SOX6: variants seen among roughly 807,000 people sequenced by gnomAD.
The protein encoded by SOX6 is transcription factor SOX-6.
A neutral mutation model predicts 97.8 loss-of-function variants in SOX6; 11 were observed. The observed-to-expected ratio is 0.11, with a 90% CI of 0.07 to 0.19. SOX6 has a LOEUF of 0.19. SOX6 is among the 10% of genes least tolerant of loss of function. The pLI, the probability that SOX6 is intolerant of heterozygous loss-of-function variation, is 1.00. For missense variants in SOX6, 810 were observed against 1,039.5 expected (o/e 0.78, Z 3.04); for synonymous variants, 360 against 371.4 (o/e 0.97, Z 0.35).
chr11:16,170,685 A>G (rs1307500599), intron 6 of SOX6, among the ~76,000 whole-genome samples: 1 of 152,026 alleles, frequency 6.6e-6, no homozygotes, highest in Non-Finnish European at 1.5e-5. Context: ...ACAGGGGCAC[A>G]TGTTCTGTCA....
intron 4 of SOX6, among the ~76,000 whole-genome samples, chr11:16,200,911 G>C (rs1465100704): frequency 6.6e-6 from 1 of 152,000 alleles, no homozygotes; most frequent in Non-Finnish European, 1.5e-5. Context: ...TTTGAGACCA[G>C]CCTGGCCAAC....
intron 4 of SOX6, among the ~76,000 whole-genome samples, chr11:16,501,263 A>G (rs1239517963): frequency 6.6e-6 from 1 of 152,234 alleles, no homozygotes; most frequent in Admixed American, 6.5e-5. Context: ...CCATATGTAG[A>G]AAGCTTAAAC....
chr11:16,136,166 G>A (rs530657255), intron 6 of SOX6, among the ~76,000 whole-genome samples: 8 of 151,404 alleles, frequency 5.3e-5, no homozygotes, highest in South Asian at 2.1e-4. Flanking sequence ...CTACAGTTGC[G>A]CACCAACACG....
At chr11:16,516,427 A>G (rs1465101180) in intron 4 of SOX6, among the ~76,000 whole-genome samples, 5 of 152,180 alleles carry the variant, frequency 3.3e-5, no homozygotes, top group Non-Finnish European at 7.3e-5. Context: ...GAAGTTGCTT[A>G]TGAGCTTAAG....
At chr11:16,457,804 T>G (rs984184977) in intron 1 of SOX6, among the ~76,000 whole-genome samples, 1 of 152,036 alleles carries the variant, frequency 6.6e-6, no homozygotes, top group African/African-American at 2.4e-5. Context: ...GCAGTTTGTT[T>G]AAAAGCCCTT....
chr11:16,163,525 G>C (rs911643703), intron 6 of SOX6, among the ~76,000 whole-genome samples: 4 of 152,122 alleles, frequency 2.6e-5, no homozygotes, highest in African/African-American at 7.2e-5. Flanking sequence ...TCTAAACCAG[G>C]CTTTCTCAGC....
chr11:16,359,376 A>G (rs1242788742), upstream of SOX6, among the ~76,000 whole-genome samples: 1 of 152,142 alleles, frequency 6.6e-6, no homozygotes, highest in Non-Finnish European at 1.5e-5. Context: ...AAGGATTTCA[A>G]ATGCAATTCA....
intron 2 of SOX6, among the ~76,000 whole-genome samples, chr11:16,327,099 G>C (rs537795695): frequency 3.4e-4 from 51 of 152,232 alleles, no homozygotes; most frequent in African/African-American, 1.0e-3. Flanking sequence ...TTCTAACTTA[G>C]CCTGGGAAAT....
chr11:16,475,363 T>C (rs908819947), intron 1 of SOX6, among the ~76,000 whole-genome samples: 2 of 152,190 alleles, frequency 1.3e-5, no homozygotes, highest in Non-Finnish European at 2.9e-5. Context: ...CACAAAGTTG[T>C]CATTCGTAGC....
At chr11:16,082,574 C>A (rs1296707605) in intron 9 of SOX6, among the ~76,000 whole-genome samples, 1 of 152,122 alleles carries the variant, frequency 6.6e-6, no homozygotes, top group Admixed American at 6.5e-5. Context: ...TTGCTTCAGT[C>A]TTAAACAGTT....
intron 4 of SOX6, among the ~76,000 whole-genome samples, chr11:16,523,551 C>A (rs1190190830): frequency 2.6e-5 from 4 of 151,444 alleles, no homozygotes; most frequent in Non-Finnish European, 4.4e-5. Context: ...AAATTGACAC[C>A]CTAACATCAC....
chr11:16,661,037 T>C (rs1191309434), intron 3 of SOX6, among the ~76,000 whole-genome samples: 1 of 152,256 alleles, frequency 6.6e-6, no homozygotes, highest in Non-Finnish European at 1.5e-5. Context: ...CTTTTACTGA[T>C]AAATGTGTGT....
intron 4 of SOX6, among the ~76,000 whole-genome samples, chr11:16,224,663 T>C (rs1286280267): frequency 1.3e-5 from 2 of 151,946 alleles, no homozygotes. Flanking sequence ...TAAAAAAAAC[T>C]ATGGGTGTTG....
intron 1 of SOX6, among the ~76,000 whole-genome samples, chr11:16,374,709 T>C (rs572908612): frequency 6.6e-6 from 1 of 152,170 alleles, no homozygotes; most frequent in South Asian, 2.1e-4. Flanking sequence ...GCAAAAAGAA[T>C]TATGTGCCTG....
At chr11:16,075,409 A>G (rs1848331402) in intron 9 of SOX6, among the ~76,000 whole-genome samples, 1 of 152,152 alleles carries the variant, frequency 6.6e-6, no homozygotes, top group Admixed American at 6.5e-5. Context: ...AACCAACCCA[A>G]TGTCCATCAA....
chr11:16,003,897 C>T (rs1854476134), intron 13 of SOX6, among the ~76,000 whole-genome samples: 1 of 151,878 alleles, frequency 6.6e-6, no homozygotes, highest in Non-Finnish European at 1.5e-5. Context: ...TCTGAGATGC[C>T]AGCCTCCCTA....
intron 1 of SOX6, among the ~76,000 whole-genome samples, chr11:16,450,586 A>G (rs1229008931): frequency 6.6e-6 from 1 of 152,254 alleles, no homozygotes; most frequent in African/African-American, 2.4e-5. Context: ...TGCAAATTCC[A>G]GAGAAATAAC....
Position 16,482,826 on chromosome 11 carries a change from T to G in SOX6, n.610-6438A>C, listed in dbSNP as rs367783826. Among the ~76,000 whole-genome samples the G allele has an allele frequency of 6.8e-4, 104 of 152,312 alleles. No individual in the cohort carries two copies. The South Asian group carries it at 0.021, about 31-fold the overall frequency. ...AAGAAGGGTCAAGAGTTAATAAAAT[T>G]AAAATTTTTACTGTTTCATCTACAA... On this transcript the variant is annotated intron_variant and non_coding_transcript_variant, in intron 4 of 5. Transcript: ENST00000524520.
chr11:16,278,906 T>C (rs1854476089), intron 3 of SOX6, among the ~76,000 whole-genome samples: 1 of 152,122 alleles, frequency 6.6e-6, no homozygotes, highest in South Asian at 2.1e-4. Context: ...AGCCTTCATT[T>C]TCCTATTCTT....
Sources: gnomAD v4.1 joint callset for allele counts (sites outside exome capture counted in the v4.1 genomes callset) on GRCh38, gnomAD v4.1.1 for gene constraint, MANE v1.5 for transcripts, NCBI Gene and HGNC (gene_info 2026-07-23, HGNC 2026-07-21) for gene names.